SH2D4A: variants seen among roughly 807,000 people sequenced by gnomAD.
The protein encoded by SH2D4A is SH2 domain-containing protein 4A.
Under a neutral mutation model 64.7 loss-of-function variants are expected in SH2D4A, and 70 were observed. The ratio of observed to expected loss-of-function variants is 1.08; its 90% CI spans 0.89 to 1.32. The LOEUF (loss-of-function observed/expected upper bound fraction) is 1.32. Among genes scored for constraint, SH2D4A ranks in the 40% most tolerant of loss-of-function variants. The pLI, the probability that SH2D4A is intolerant of heterozygous loss-of-function variation, is 0.00. For missense variants in SH2D4A, 706 were observed against 540.1 expected (o/e 1.31, Z -3.04); for synonymous variants, 268 against 200.7 (o/e 1.34, Z -2.83).
intron 2 of SH2D4A, among the ~76,000 whole-genome samples, chr8:19,328,172 TTCTC>T (rs1443786029): frequency 6.6e-6 from 1 of 152,206 alleles, no homozygotes; most frequent in African/African-American, 2.4e-5. Context: ...CTTGGCTTCA[TTCTC>T]TCTATGAGCT....
intron 8 of SH2D4A, among the ~76,000 whole-genome samples, chr8:19,381,677 A>C (rs1240923484): frequency 6.6e-6 from 1 of 152,222 alleles, no homozygotes; most frequent in African/African-American, 2.4e-5. Context: ...GCTAGAACTT[A>C]CAGGAATAGT....
chr8:19,336,088 A>G (rs1345469778), intron 4 of SH2D4A, among the ~76,000 whole-genome samples: 2 of 152,192 alleles, frequency 1.3e-5, no homozygotes, highest in Non-Finnish European at 2.9e-5. Context: ...ACAGCAAAGC[A>G]CACTGCTGAG....
chr8:19,381,112 T>G (rs1276688107), intron 8 of SH2D4A, among the ~76,000 whole-genome samples: 1 of 151,960 alleles, frequency 6.6e-6, no homozygotes, highest in East Asian at 1.9e-4. Context: ...TGCAGTGGTA[T>G]GATCTTTGCT....
rs2052035418 is a variant in SH2D4A at position 19,313,767 on chromosome 8, C to A, written c.-261C>A. The A allele has an allele frequency of 2.0e-6, 3 of 1,509,990 alleles. No homozygotes were observed. Among genetic ancestry groups the A allele is most frequent in the South Asian group, 2.4e-5 (2 of 82,430 alleles). The allele number at this position is 1,509,990 out of a possible 1,614,324, so 93.5% of individuals were successfully genotyped here. ...CCCTCCCTTCCCCGACGGCTTCTGG[C>A]GGCCAAGTGGATGTGGCGGGTGATC... On this transcript the variant is annotated 5_prime_UTR_variant, in exon 1 of 10. Coordinates refer to ENST00000265807, the MANE Select transcript of SH2D4A (RefSeq NM_022071.4).
At chr8:19,352,712 A>G (rs2052727298) in intron 4 of SH2D4A, among the ~76,000 whole-genome samples, 2 of 152,288 alleles carry the variant, frequency 1.3e-5, no homozygotes, top group Middle Eastern at 3.4e-3. Flanking sequence ...CTACCTATTA[A>G]CAGGTCAACT....
At chr8:19,383,703 T>G (rs2053337919) in intron 8 of SH2D4A, among the ~76,000 whole-genome samples, 1 of 152,140 alleles carries the variant, frequency 6.6e-6, no homozygotes, top group Admixed American at 6.6e-5. Context: ...AAACTTACAG[T>G]CTTCACAGCT....
intron 8 of SH2D4A, among the ~76,000 whole-genome samples, chr8:19,377,588 C>T (rs941257676): frequency 3.3e-5 from 5 of 152,100 alleles, no homozygotes; most frequent in Non-Finnish European, 7.4e-5. Context: ...TTGTTTTCCC[C>T]CAACATTGTT....
intron 2 of SH2D4A, among the ~76,000 whole-genome samples, chr8:19,323,764 C>T (rs1288042939): frequency 6.6e-6 from 1 of 152,140 alleles, no homozygotes; most frequent in Non-Finnish European, 1.5e-5. Context: ...AATGGTAGCA[C>T]CAGCCAGCAT....
intron 4 of SH2D4A, among the ~76,000 whole-genome samples, chr8:19,350,075 GT>G (rs1188876981): frequency 6.6e-5 from 10 of 152,222 alleles, no homozygotes; most frequent in African/African-American, 2.2e-4. Flanking sequence ...TATCAATCAT[GT>G]TTTTTTAATC....
chr8:19,333,848 GT>G (rs1436350766), intron 3 of SH2D4A, among the ~76,000 whole-genome samples: 4 of 152,202 alleles, frequency 2.6e-5, no homozygotes, highest in Non-Finnish European at 5.9e-5. Context: ...AGGAAGGAAA[GT>G]GCAGGCAGAG....
intron 1 of SH2D4A, among the ~76,000 whole-genome samples, chr8:19,314,296 A>C (rs4922017): frequency 0.24 from 36,008 of 151,980 alleles, 4,268 homozygotes; most frequent in East Asian, 0.31. Flanking sequence ...CGACTTGCGC[A>C]TGGAAATCTT....
chr8:19,384,868 C>T (rs1563212909), intron 8 of SH2D4A, among the ~76,000 whole-genome samples: 2 of 152,174 alleles, frequency 1.3e-5, no homozygotes, highest in African/African-American at 4.8e-5. Context: ...AGCTCAGAAA[C>T]TGGCAGGGAC....
chr8:19,386,466 G>A (rs1331912159), intron 8 of SH2D4A, among the ~76,000 whole-genome samples: 1 of 152,196 alleles, frequency 6.6e-6, no homozygotes, highest in Non-Finnish European at 1.5e-5. Context: ...TCTTACTTGG[G>A]TTTTTGCAGA....
intron 1 of SH2D4A, among the ~76,000 whole-genome samples, chr8:19,315,296 T>G (rs1247249353): frequency 1.3e-5 from 2 of 152,122 alleles, no homozygotes; most frequent in Non-Finnish European, 2.9e-5. Flanking sequence ...CCACCACGCC[T>G]GGCTAATTTT....
intron 8 of SH2D4A, among the ~76,000 whole-genome samples, chr8:19,385,178 G>GA (rs1460209886): frequency 2.6e-5 from 4 of 151,298 alleles, no homozygotes; most frequent in Non-Finnish European, 2.9e-5. Context: ...ACTTTGGTGG[G>GA]ATAGCAATAT....
chr8:19,375,392 G>T (rs371392090), intron 8 of SH2D4A: 41 of 152,262 alleles, frequency 2.7e-4, no homozygotes, highest in African/African-American at 9.1e-4. Flanking sequence ...CCCTTTATAG[G>T]TTTATCATCT....
chr8:19,316,295 C>G (rs528869123), intron 1 of SH2D4A, among the ~76,000 whole-genome samples: 2 of 152,092 alleles, frequency 1.3e-5, no homozygotes, highest in East Asian at 3.9e-4. Flanking sequence ...TCCACGTTTG[C>G]TATAAAAAGT....
intron 2 of SH2D4A, among the ~76,000 whole-genome samples, chr8:19,323,708 T>C (rs948996612): frequency 6.6e-6 from 1 of 152,226 alleles, no homozygotes; most frequent in African/African-American, 2.4e-5. Flanking sequence ...ATGTGGCTAC[T>C]AGAAAAGTGA....
Position 19,334,866 on chromosome 8 carries a change from T to G in SH2D4A, c.513+9T>G. ...AAGAAGAGAAAATCCGAGTGAGTCC[T>G]TACTGTCTGTAGACGTGCGGAATTT... On this transcript the variant is annotated intron_variant, in intron 4 of 9. Coordinates refer to ENST00000265807, the MANE Select transcript of SH2D4A (RefSeq NM_022071.4). 3 of 1,601,000 alleles carry G rather than the reference T, an allele frequency of 1.9e-6. No homozygotes were observed. Among genetic ancestry groups the G allele is most frequent in the South Asian group, 1.1e-5 (1 of 88,364 alleles).
Sources: gnomAD v4.1 joint callset for allele counts (sites outside exome capture counted in the v4.1 genomes callset) on GRCh38, gnomAD v4.1.1 for gene constraint, MANE v1.5 for transcripts, NCBI Gene and HGNC (gene_info 2026-07-23, HGNC 2026-07-21) for gene names.